Variants in MAGI2 observed in about 807,000 individuals in gnomAD.
MAGI2 encodes membrane-associated guanylate kinase, WW and PDZ domain-containing protein 2.
In MAGI2, 35 loss-of-function variants were observed where a neutral mutation model predicts 133.3. The observed-to-expected ratio is 0.26, with a 90% CI of 0.20 to 0.35. The LOEUF is 0.35. MAGI2 is among the 10% of genes least tolerant of loss of function. MAGI2 has a pLI of 1.00. For missense variants in MAGI2, 1,636 were observed against 1,863.4 expected, an observed-to-expected ratio of 0.88 and a Z score of 2.25; for synonymous variants, 729 against 710.6, an observed-to-expected ratio of 1.03 and a Z score of -0.41.
chr7:78,728,845 G>T (rs538584967), intron 2 of MAGI2, among the ~76,000 whole-genome samples: 8 of 124,366 alleles, frequency 6.4e-5, no homozygotes, highest in Non-Finnish European at 1.1e-4. Flanking sequence ...GATTACAGGC[G>T]TGAGCCACCG....
At chr7:78,289,245 C>T (rs1342295134) in intron 9 of MAGI2, among the ~76,000 whole-genome samples, 1 of 152,002 alleles carries the variant, frequency 6.6e-6, no homozygotes, top group East Asian at 1.9e-4. Flanking sequence ...GAATAAACAG[C>T]ATAGAGAAGA....
At chr7:78,740,636 A>G (rs1366925461) in intron 2 of MAGI2, among the ~76,000 whole-genome samples, 1 of 152,228 alleles carries the variant, frequency 6.6e-6, no homozygotes, top group East Asian at 1.9e-4. Flanking sequence ...TCAGAAATTC[A>G]GTTCAGTTTT....
intron 2 of MAGI2, among the ~76,000 whole-genome samples, chr7:78,818,014 C>T (rs1041771091): frequency 6.6e-6 from 1 of 152,146 alleles, no homozygotes; most frequent in East Asian, 1.9e-4. Flanking sequence ...TGGTCTGGAA[C>T]TGAACTCATA....
chr7:78,469,081 A>G (rs1017199020), intron 6 of MAGI2, among the ~76,000 whole-genome samples: 1 of 152,184 alleles, frequency 6.6e-6, no homozygotes, highest in Non-Finnish European at 1.5e-5. Context: ...GGAACTTCAT[A>G]TTCTCAGAAA....
At chr7:78,861,223 G>A (rs1294165504) in intron 2 of MAGI2, among the ~76,000 whole-genome samples, 1 of 151,600 alleles carries the variant, frequency 6.6e-6, no homozygotes, top group Non-Finnish European at 1.5e-5. Context: ...CTGCTCTGTG[G>A]GCTGCACCCA....
chr7:78,341,301 G>C (rs1790348004), intron 9 of MAGI2, among the ~76,000 whole-genome samples: 1 of 151,944 alleles, frequency 6.6e-6, no homozygotes, highest in African/African-American at 2.4e-5. Flanking sequence ...CAGCTCAAGG[G>C]AATAAGAGAG....
chr7:78,861,329 T>G (rs936297373), intron 2 of MAGI2, among the ~76,000 whole-genome samples: 1 of 152,226 alleles, frequency 6.6e-6, no homozygotes. Context: ...AGTTTCAGAC[T>G]AGAGCTGTTC....
chr7:79,066,070 A>C (rs564325514), intron 1 of MAGI2, among the ~76,000 whole-genome samples: 7 of 152,322 alleles, frequency 4.6e-5, no homozygotes, highest in African/African-American at 1.7e-4. Context: ...CTTTGGGTAT[A>C]TACCCAGTAA....
intron 3 of MAGI2, among the ~76,000 whole-genome samples, chr7:78,626,881 A>C (rs1385194624): frequency 6.6e-6 from 1 of 150,632 alleles, no homozygotes; most frequent in Non-Finnish European, 1.5e-5. Context: ...GTATATATAT[A>C]ATAGGTGTAT....
chr7:78,593,680 A>G (rs1375185321), intron 3 of MAGI2, among the ~76,000 whole-genome samples: 2 of 152,206 alleles, frequency 1.3e-5, no homozygotes, highest in Non-Finnish European at 2.9e-5. Context: ...GAGTGCAAAA[A>G]ATATTATTTG....
At chr7:78,615,447 C>T (rs2150923536) in intron 3 of MAGI2, 1 of 152,306 alleles carries the variant, frequency 6.6e-6, no homozygotes, top group South Asian at 2.1e-4. Context: ...ACCATTTACT[C>T]TCATCCTTAG....
chr7:79,001,090 T>C (rs568540348), intron 2 of MAGI2, among the ~76,000 whole-genome samples: 10 of 152,278 alleles, frequency 6.6e-5, no homozygotes, highest in Admixed American at 6.5e-4. Flanking sequence ...CTAATTTTTG[T>C]ATTTTTAGTA....
intron 1 of MAGI2, among the ~76,000 whole-genome samples, chr7:79,163,716 T>A (rs1824641694): frequency 6.6e-6 from 1 of 152,080 alleles, no homozygotes; most frequent in Non-Finnish European, 1.5e-5. Context: ...CAGGGATTAT[T>A]TTTTGGCTGC....
At chr7:79,324,852 G>C (rs970565666) in intron 1 of MAGI2, among the ~76,000 whole-genome samples, 1 of 149,832 alleles carries the variant, frequency 6.7e-6, no homozygotes, top group Non-Finnish European at 1.5e-5. Flanking sequence ...TCGTCCTTCA[G>C]AGTACAACAA....
At chr7:79,043,642 TG>T (rs1292990099) in intron 1 of MAGI2, among the ~76,000 whole-genome samples, 1 of 147,092 alleles carries the variant, frequency 6.8e-6, no homozygotes, top group Non-Finnish European at 1.5e-5. Flanking sequence ...ATCGATAAAC[TG>T]CTAGGTAGAC....
Position 79,107,837 on chromosome 7 carries a change from T to C in MAGI2, c.302-100631A>G, listed in dbSNP as rs116240406. Among the ~76,000 whole-genome samples the C allele has an allele frequency of 6.9e-3, 1,053 of 152,308 alleles. 14 individuals carry two copies. Among genetic ancestry groups the C allele is most frequent in the African/African-American group, 0.024 (992 of 41,550 alleles). Reference sequence around the variant, plus strand: ...TCTTAACACTTACATAATTAAACTGTAGAATATTAATTGCATTAGTTATTA... The same window carrying C: ...TCTTAACACTTACATAATTAAACTGCAGAATATTAATTGCATTAGTTATTA... On this transcript the variant is annotated intron_variant, in intron 1 of 21. Coordinates refer to ENST00000354212, the MANE Select transcript of MAGI2 (RefSeq NM_012301.4).
At chr7:78,493,799 A>T (rs1360460345) in intron 5 of MAGI2, among the ~76,000 whole-genome samples, 3 of 152,004 alleles carry the variant, frequency 2.0e-5, no homozygotes, top group Non-Finnish European at 4.4e-5. Context: ...GTTAATCACT[A>T]CTTAAATTCC....
chr7:78,190,808 G>C (rs898609341), intron 12 of MAGI2, among the ~76,000 whole-genome samples: 1 of 152,168 alleles, frequency 6.6e-6, no homozygotes, highest in African/African-American at 2.4e-5. Flanking sequence ...AGCCATTCCT[G>C]TTGTGACTGT....
At chr7:79,016,563 G>A (rs775060921) in intron 1 of MAGI2, among the ~76,000 whole-genome samples, 38 of 152,048 alleles carry the variant, frequency 2.5e-4, no homozygotes, top group Non-Finnish European at 4.9e-4. Context: ...TTGCTGGCAC[G>A]CACTTGTCCA....
Sources: allele counts gnomAD v4.1 joint callset (sites outside exome capture counted in the v4.1 genomes callset), GRCh38; gene constraint gnomAD v4.1.1; transcripts MANE v1.5; gene names NCBI Gene and HGNC (gene_info 2026-07-23, HGNC 2026-07-21).